The following LUZP2 variants were observed in gnomAD, a reference collection of about 807,000 sequenced individuals.
LUZP2 encodes leucine zipper protein 2.
A neutral mutation model predicts 51.6 loss-of-function variants in LUZP2; 52 were observed. That is an observed-to-expected ratio of 1.01 (90% confidence interval 0.81 to 1.27). The LOEUF is 1.27. Ranked by LOEUF, LUZP2 falls within the 50% of genes most tolerant of loss-of-function variation. The probability of loss-of-function intolerance (pLI) is 0.00; values close to 1 mark genes in which losing one functional copy is unlikely to be tolerated. For synonymous variants in LUZP2, 154 were observed against 137.3 expected (o/e 1.12, Z -0.85); for missense variants, 436 against 395.4 (o/e 1.10, Z -0.87).
chr11:24,829,080 A>G (rs1850622444), intron 5 of LUZP2, among the ~76,000 whole-genome samples: 2 of 152,208 alleles, frequency 1.3e-5, no homozygotes, highest in South Asian at 4.1e-4. Context: ...CTGAGAGAAG[A>G]AAAGCTCTGC....
chr11:24,550,212 G>T (rs575148415), intron 1 of LUZP2, among the ~76,000 whole-genome samples: 2 of 151,894 alleles, frequency 1.3e-5, no homozygotes, highest in African/African-American at 4.8e-5. Context: ...CAGTGTGTTA[G>T]AAATATTTTA....
rs1043531671 is a variant in LUZP2 at position 25,080,998 on chromosome 11, G to A, written c.*2340G>A. The A allele has an allele frequency of 1.4e-5, 2 of 147,596 alleles. No homozygotes were observed. Among genetic ancestry groups the A allele is most frequent in the Non-Finnish European group, 3.0e-5 (2 of 66,996 alleles). The allele number at this position is 147,596 out of a possible 1,614,324, so 9.1% of individuals were successfully genotyped here. A position where few individuals can be genotyped will look rare whatever the true frequency, so the allele number is the denominator to read the frequency against. On this transcript the variant is annotated 3_prime_UTR_variant, in exon 12 of 12. Transcript: ENST00000336930. The stretch of plus-strand genomic sequence containing the variant: ...TTCTAAATTCCTTTTATTAATTCCT[G>A]GCTTGATCAAGTGGGCTTTGGATCC...
At chr11:24,920,928 AC>A (rs957865009) in intron 7 of LUZP2, among the ~76,000 whole-genome samples, 1 of 152,100 alleles carries the variant, frequency 6.6e-6, no homozygotes, top group Non-Finnish European at 1.5e-5. Context: ...TTGCACTTAC[AC>A]CCCTTAAATG....
intron 1 of LUZP2, among the ~76,000 whole-genome samples, chr11:24,696,604 A>G (rs1857253628): frequency 1.3e-5 from 2 of 152,106 alleles, no homozygotes; most frequent in Admixed American, 1.3e-4. Flanking sequence ...TGCATCTGCT[A>G]TGAACTCTTG....
intron 10 of LUZP2, among the ~76,000 whole-genome samples, chr11:25,059,114 A>G (rs1858765266): frequency 1.3e-5 from 2 of 152,190 alleles, no homozygotes; most frequent in Non-Finnish European, 1.5e-5. Context: ...TTGTTGGTAG[A>G]ATTTCAGATT....
At chr11:24,959,170 G>T (rs1302690856) in intron 7 of LUZP2, among the ~76,000 whole-genome samples, 2 of 152,118 alleles carry the variant, frequency 1.3e-5, no homozygotes, top group Non-Finnish European at 2.9e-5. Flanking sequence ...TTGTAGTATA[G>T]TTTGAAGTCA....
rs1332097092 is a variant in LUZP2, at chr11:24,920,593, T to C, written c.522+6055T>C. ...ATGTGGCATATGTACACATATGGAA[T>C]GCTATTCAACTATAAAAAATAAAAT... On this transcript the variant is annotated intron_variant, in intron 7 of 11. Transcript: ENST00000336930. 3.9e-5 allele frequency among the ~76,000 whole-genome samples: 6 copies of C among 152,188 alleles called. No individual in the cohort carries two copies. The East Asian group carries it at 9.6e-4, about 24-fold the overall frequency.
chr11:24,907,529 T>G (rs1312935566), intron 6 of LUZP2, among the ~76,000 whole-genome samples: 1 of 152,148 alleles, frequency 6.6e-6, no homozygotes, highest in Non-Finnish European at 1.5e-5. Context: ...CAAATAGACT[T>G]GTACATTGTT....
intron 7 of LUZP2, among the ~76,000 whole-genome samples, chr11:24,951,835 T>C (rs1405544056): frequency 6.6e-6 from 1 of 151,674 alleles, no homozygotes; most frequent in Non-Finnish European, 1.5e-5. Flanking sequence ...CCATCCTTGA[T>C]CATAGCACAT....
chr11:24,841,656 C>A (rs1238235733), intron 5 of LUZP2, among the ~76,000 whole-genome samples: 1 of 149,056 alleles, frequency 6.7e-6, no homozygotes, highest in African/African-American at 2.5e-5. Context: ...AAAGGGCAAA[C>A]AAATAATTGA....
At chr11:24,761,623 G>GA (rs1314608929) in intron 4 of LUZP2, among the ~76,000 whole-genome samples, 2 of 152,114 alleles carry the variant, frequency 1.3e-5, no homozygotes, top group Non-Finnish European at 2.9e-5. Flanking sequence ...CTCTATGAGA[G>GA]AAAAATCTAT....
intron 10 of LUZP2, among the ~76,000 whole-genome samples, chr11:25,051,406 A>G (rs2403997): frequency 0.9 from 136,834 of 152,208 alleles, 62,510 homozygotes; most frequent in Non-Finnish European, 0.98. Context: ...ATACAATTTA[A>G]AGCATAATGT....
chr11:24,979,138 A>G (rs1240872471), intron 8 of LUZP2, among the ~76,000 whole-genome samples: 1 of 151,830 alleles, frequency 6.6e-6, no homozygotes, highest in African/African-American at 2.4e-5. Context: ...AAATTACAGT[A>G]CTAGGTACAA....
At chr11:24,729,315 TA>T (rs1271297285) in intron 2 of LUZP2, 29 bp downstream of exon 2, 12 of 1,213,842 alleles carry the variant, frequency 9.9e-6, no homozygotes, top group Non-Finnish European at 1.3e-5. Context: ...TTCCGAGCAG[TA>T]AAAGAGGAGC....
intron 5 of LUZP2, among the ~76,000 whole-genome samples, chr11:24,790,857 G>A (rs1032622894): frequency 2.0e-5 from 3 of 152,026 alleles, no homozygotes; most frequent in Non-Finnish European, 2.9e-5. Context: ...GCTATTTATT[G>A]TTCAAGTGTT....
chr11:24,546,416 G>A (rs1159042984), intron 1 of LUZP2, among the ~76,000 whole-genome samples: 2 of 152,000 alleles, frequency 1.3e-5, no homozygotes, highest in Non-Finnish European at 2.9e-5. Flanking sequence ...ATGACTGTGG[G>A]TTTGCCATAA....
chr11:24,548,949 A>C (rs945766776), intron 1 of LUZP2, among the ~76,000 whole-genome samples: 1 of 151,972 alleles, frequency 6.6e-6, no homozygotes, highest in Admixed American at 6.6e-5. Flanking sequence ...GGCCTAAAAC[A>C]TTAATGTATA....
chr11:24,888,885 T>C (rs1191275611), intron 5 of LUZP2, among the ~76,000 whole-genome samples: 2 of 152,282 alleles, frequency 1.3e-5, no homozygotes, highest in Middle Eastern at 3.4e-3. Flanking sequence ...TCCTGCCTCC[T>C]TGTGAAGAAG....
intron 5 of LUZP2, among the ~76,000 whole-genome samples, chr11:24,833,680 G>A (rs752030461): frequency 1.4e-5 from 2 of 145,542 alleles, no homozygotes; most frequent in East Asian, 2.1e-4. Context: ...TTTTACACAC[G>A]TCACGTCCCC....
Sources: allele counts gnomAD v4.1 joint callset (sites outside exome capture counted in the v4.1 genomes callset), GRCh38; gene constraint gnomAD v4.1.1; transcripts MANE v1.5; gene names NCBI Gene and HGNC (gene_info 2026-07-23, HGNC 2026-07-21).